RABGGTA: variants seen among roughly 807,000 people sequenced by gnomAD.
RABGGTA encodes the protein geranylgeranyl transferase type-2 subunit alpha.
RABGGTA carries 69 observed loss-of-function variants against 83.3 expected under a neutral mutation model. That is an observed-to-expected ratio of 0.83 (90% CI 0.68 to 1.01). RABGGTA has a LOEUF of 1.01. Among genes scored for constraint, RABGGTA ranks in the 50% least tolerant of loss-of-function variants. The probability of loss-of-function intolerance (pLI) is 0.00; values close to 1 mark genes in which losing one functional copy is unlikely to be tolerated. For missense variants in RABGGTA, 681 were observed against 712.7 expected (o/e 0.96, Z 0.51); for synonymous variants, 310 against 299.8 (o/e 1.03, Z -0.35).
At chr14:24,265,853 A>C (rs1180937600) in intron 16 of RABGGTA, 90 bp from the exon 17 acceptor site, 3 of 1,466,622 alleles carry the variant, frequency 2.0e-6, no homozygotes, top group Non-Finnish European at 2.7e-6. Flanking sequence ...TGCTGCCTGG[A>C]AGTCTGTTTG....
Position 24,267,746 on chromosome 14 carries a change from C to G in RABGGTA, c.1267G>C (p.Asp423His). 6.2e-7 allele frequency: 1 copy of G among 1,612,290 alleles called. No individual in the cohort carries two copies. Among genetic ancestry groups the G allele is most frequent in the Non-Finnish European group, 8.5e-7 (1 of 1,179,836 alleles). Reference sequence around the variant, plus strand: ...AGCAAGAACTTGCTGCGCAGGTCATCCAGATACGTTGCCCGCATGGGGTCC... The same window carrying G: ...AGCAAGAACTTGCTGCGCAGGTCATGCAGATACGTTGCCCGCATGGGGTCC... ...AVDPMRATYLDDLRSKFLLEN... is the reference protein window; with the variant it reads ...AVDPMRATYLHDLRSKFLLEN... Residue 423 changes from aspartate (D) to histidine (H), a missense_variant, in exon 14 of 17, where the codon GAT becomes CAT. By Grantham distance (81) the Asp-to-His change is moderately conservative (BLOSUM62 -1). Transcript: ENST00000216840.
chr14:24,266,957 C>T (rs558671068), intron 14 of RABGGTA, 68 bp from the exon 15 acceptor site: 42 of 1,173,366 alleles, frequency 3.6e-5, no homozygotes, highest in Admixed American at 1.1e-4. Context: ...CCTCGGCCAG[C>T]ATTTATTAGG....
At chr14:24,266,952 G>C in intron 14 of RABGGTA, 63 bp from the exon 15 acceptor site, 1 of 1,233,914 alleles carries the variant, frequency 8.1e-7, no homozygotes, top group South Asian at 1.2e-5. Context: ...AGGGTCCTCG[G>C]CCAGCATTTA....
chr14:24,270,539 A>G, intron 3 of RABGGTA, 81 bp from the exon 4 acceptor site: 1 of 1,534,838 alleles, frequency 6.5e-7, no homozygotes, highest in South Asian at 1.1e-5. Context: ...AAACCATCCA[A>G]TATTCTGTGA....
chr14:24,267,323 T>C (rs1481400957), intron 14 of RABGGTA, among the ~76,000 whole-genome samples: 1 of 152,108 alleles, frequency 6.6e-6, no homozygotes, highest in Non-Finnish European at 1.5e-5. Flanking sequence ...TGGAAAGTAT[T>C]TGGCCTTCAG....
chr14:24,267,895 G>A lies in RABGGTA; in HGVS notation c.1211C>T (p.Thr404Ile). 1 of 1,613,800 alleles carries A rather than the reference G, an allele frequency of 6.2e-7. No homozygotes were observed. Among genetic ancestry groups the A allele is most frequent in the Non-Finnish European group, 8.5e-7 (1 of 1,179,840 alleles). Residue 404 changes from threonine to isoleucine, a missense_variant, in exon 13 of 17, where the codon ACC (threonine) becomes ATC (isoleucine). Coordinates refer to ENST00000216840, the MANE Select transcript of RABGGTA (RefSeq NM_182836.3). ...CTTGAGGGTCTGGAAGTACTGCAGGGTCTCCTTCTCATACAGCAGGGGGTC... is the reference window on the plus strand; with the variant it reads ...CTTGAGGGTCTGGAAGTACTGCAGGATCTCCTTCTCATACAGCAGGGGGTC... ...ALDPLLYEKE[T>I]LQYFQTLKAV... is the part of the protein sequence containing the mutation.
intron 9 of RABGGTA, 41 bp downstream of exon 9, chr14:24,268,684 T>C (rs770420524): frequency 1.5e-6 from 2 of 1,305,948 alleles, no homozygotes; most frequent in South Asian, 1.2e-5. Context: ...CACCCAGCCC[T>C]GCCCCAGACC....
At position 24,268,645 on chromosome 14, in the gene RABGGTA, C is replaced by T. The variant is rs779621614; in HGVS notation, c.901-26G>A. On this transcript the variant is annotated intron_variant, in intron 9 of 16. Coordinates refer to ENST00000216840, the MANE Select transcript of RABGGTA (RefSeq NM_182836.3). ...CTGGGAGTACTGGGTCAAGGAAATGCCCCAGCCTAACCACTTTTTTGACTG... is the reference window on the plus strand; with the variant it reads ...CTGGGAGTACTGGGTCAAGGAAATGTCCCAGCCTAACCACTTTTTTGACTG... The T allele has an allele frequency of 9.9e-6, 16 of 1,611,020 alleles. No individual in the cohort carries two copies. In the South Asian group the frequency reaches 1.2e-4, roughly 12 times the overall value.
In RABGGTA at chr14:24,268,135, C is replaced by A. The variant is rs1304668981; in HGVS notation, c.1122G>T (p.Leu374=). The A allele has an allele frequency of 5.6e-6, 9 of 1,613,900 alleles. No individual in the cohort carries two copies. The highest frequency in any genetic ancestry group is 6.8e-6 in the Non-Finnish European group (8 of 1,179,854). Residue 374 remains leucine, a synonymous_variant, in exon 12 of 17, where the codon CTG becomes CTT. Transcript: ENST00000216840. ...LQSELESCKE[L]QELEPENKWC... ...ATTTATTCTCAGGCTCCAGCTCCTGCAGCTCCTTACAGGATTCCAGCTCAG... is the reference window on the plus strand; with the variant it reads ...ATTTATTCTCAGGCTCCAGCTCCTGAAGCTCCTTACAGGATTCCAGCTCAG...
At position 24,270,879 on chromosome 14, in the gene RABGGTA, C is replaced by T; in HGVS notation, c.72G>A (p.Lys24=). Residue 24 remains lysine (K), a synonymous_variant, in exon 3 of 17, where the codon AAG becomes AAA. Transcript: ENST00000216840. ...AEAKRLEREQ[K]LKLYQSATQA... Reference sequence around the variant, plus strand: ...GGGTGGCTGACTGGTATAGCTTCAGCTTCTGCTCTCGCTCTAGCCTTTTGG... The same window carrying T: ...GGGTGGCTGACTGGTATAGCTTCAGTTTCTGCTCTCGCTCTAGCCTTTTGG... The T allele has an allele frequency of 6.2e-7, 1 of 1,614,038 alleles. No homozygotes were observed. The highest frequency in any genetic ancestry group is 8.5e-7 in the Non-Finnish European group (1 of 1,179,898).
rs760468926 is a variant in RABGGTA, at chr14:24,270,919, T to C, written c.32A>G (p.Glu11Gly). Residue 11 changes from glutamate (E) to glycine (G), a missense_variant, in exon 3 of 17, where the codon GAA (glutamate) becomes GGA (glycine). Coordinates refer to ENST00000216840, the MANE Select transcript of RABGGTA (RefSeq NM_182836.3). ...TAGCCTTTTGGCCTCCGCCTGCTCT[T>C]CTGACGTCTTCACCTTCAGGCGTCC... MHGRLKVKTS[E>G]EQAEAKRLER... is the part of the protein sequence containing the mutation. 7 of 1,613,922 alleles carry C rather than the reference T, an allele frequency of 4.3e-6. No homozygotes were observed. In the East Asian group the frequency reaches 1.6e-4, roughly 36 times the overall value.
intron 11 of RABGGTA, 81 bp downstream of exon 11, chr14:24,268,288 G>A (rs925486342): frequency 3.7e-6 from 6 of 1,608,344 alleles, no homozygotes; most frequent in Middle Eastern, 1.8e-4. Flanking sequence ...ACAGCTCCTT[G>A]AGGCCCCAGC....
In RABGGTA at chr14:24,268,355, T is replaced by C; in HGVS notation, c.1058+14A>G. 1.2e-6 allele frequency: 2 copies of C among 1,612,990 alleles called. No homozygotes were observed. The highest frequency in any genetic ancestry group is 1.7e-6 in the Non-Finnish European group (2 of 1,179,884). On this transcript the variant is annotated intron_variant, in intron 11 of 16. Coordinates refer to ENST00000216840, the MANE Select transcript of RABGGTA (RefSeq NM_182836.3). ...CAGAGCCCCTCTCCTTGTTTTGTGC[T>C]TCCCTATCACCACCTGAATAGCTGC... is the stretch of plus-strand genomic sequence containing the variant.
chr14:24,267,106 T>G (rs2040883896), intron 14 of RABGGTA, among the ~76,000 whole-genome samples: 1 of 150,822 alleles, frequency 6.6e-6, no homozygotes, highest in African/African-American at 2.4e-5. Context: ...ACCAGTGGGG[T>G]GGGTGAGGAG....
chr14:24,269,032 C>G (rs766253629), intron 7 of RABGGTA, 39 bp from the exon 8 acceptor site: 13 of 1,581,622 alleles, frequency 8.2e-6, no homozygotes, highest in African/African-American at 1.3e-5. Context: ...AAACCCTCTC[C>G]CATTCCTATT....
intron 16 of RABGGTA, 82 bp from the exon 17 acceptor site, chr14:24,265,845 C>T: frequency 6.8e-7 from 1 of 1,477,890 alleles, no homozygotes; most frequent in East Asian, 2.5e-5. Flanking sequence ...CTGGGGACTG[C>T]TGCCTGGAAG....
intron 6 of RABGGTA, 80 bp downstream of exon 6, chr14:24,269,411 A>AGGTTCAGGAACAGGGTCAGGCATGGG (rs1389402413): frequency 3.3e-5 from 49 of 1,463,714 alleles, no homozygotes; most frequent in Non-Finnish European, 4.5e-5. Context: ...CCTGAGTGAC[A>AGGTTCAGGAACAGGGTCAGGCATGGG]GGTTCAGGAA....
intron 16 of RABGGTA, 22 bp from the exon 17 acceptor site, chr14:24,265,785 A>G (rs1159477977): frequency 6.3e-7 from 1 of 1,586,914 alleles, no homozygotes; most frequent in East Asian, 2.3e-5. Context: ...GAGTCAAGGA[A>G]AGCTTGGCAG....
chr14:24,269,500 G>A lies in RABGGTA; in HGVS notation c.622C>T (p.Leu208=). The A allele has an allele frequency of 6.3e-7, 1 of 1,585,184 alleles. No individual in the cohort carries two copies. Among genetic ancestry groups the A allele is most frequent in the Non-Finnish European group, 8.7e-7 (1 of 1,153,834 alleles). ...GPQGRLPEDV[L]LKELELVQNA... The stretch of plus-strand genomic sequence containing the variant: ...CCCTGACCCTGGTTACCTTTGAGCA[G>A]CACATCCTCAGGGAGGCGCCCCTGT... The change falls in exon 6 of 17, where the codon CTG becomes TTG. Residue 208 remains leucine (L), a synonymous_variant. Coordinates refer to ENST00000216840, the MANE Select transcript of RABGGTA (RefSeq NM_182836.3).
Sources: allele counts gnomAD v4.1 joint callset (sites outside exome capture counted in the v4.1 genomes callset), GRCh38; gene constraint gnomAD v4.1.1; transcripts MANE v1.5; gene names NCBI Gene and HGNC (gene_info 2026-07-23, HGNC 2026-07-21).